RAB3C: variants seen among roughly 807,000 people sequenced by gnomAD.
RAB3C encodes the protein ras-related protein Rab-3C.
A neutral mutation model predicts 26.4 loss-of-function variants in RAB3C; 17 were observed. The ratio of observed to expected loss-of-function variants is 0.64; its 90% CI spans 0.44 to 0.97. The LOEUF is 0.97. Among genes scored for constraint, RAB3C ranks in the 50% least tolerant of loss-of-function variants. The pLI is 0.00. For synonymous variants in RAB3C, 91 were observed against 95.9 expected (o/e 0.95, Z 0.30); for missense variants, 242 against 281.9 (o/e 0.86, Z 1.01).
At chr5:58,738,779 T>A (rs769793582) in intron 3 of RAB3C, among the ~76,000 whole-genome samples, 1 of 152,226 alleles carries the variant, frequency 6.6e-6, no homozygotes, top group East Asian at 1.9e-4. Flanking sequence ...TCTGAAAATA[T>A]ACTCCCTCGC....
chr5:58,681,230 A>G (rs1171316596), intron 2 of RAB3C, among the ~76,000 whole-genome samples: 1 of 152,232 alleles, frequency 6.6e-6, no homozygotes, highest in Admixed American at 6.5e-5. Context: ...TAAAAAATTT[A>G]ATCGACAAAT....
intron 3 of RAB3C, among the ~76,000 whole-genome samples, chr5:58,809,064 A>G (rs1179660092): frequency 6.6e-6 from 1 of 152,252 alleles, no homozygotes; most frequent in Non-Finnish European, 1.5e-5. Context: ...CAGCAAGGGC[A>G]AAAGCCCAGC....
intron 4 of RAB3C, among the ~76,000 whole-genome samples, chr5:58,834,724 C>A (rs1743697496): frequency 6.6e-6 from 1 of 152,118 alleles, no homozygotes; most frequent in South Asian, 2.1e-4. Context: ...TAAGTATTCC[C>A]AGGAGGTATA....
chr5:58,779,436 G>A (rs990547198), intron 3 of RAB3C, among the ~76,000 whole-genome samples: 3 of 151,652 alleles, frequency 2.0e-5, no homozygotes, highest in Non-Finnish European at 2.9e-5. Context: ...CCAGGCAGGA[G>A]TGCAGTGGCA....
intron 3 of RAB3C, among the ~76,000 whole-genome samples, chr5:58,789,225 C>G (rs1369626336): frequency 6.6e-6 from 1 of 152,016 alleles, no homozygotes; most frequent in Non-Finnish European, 1.5e-5. Flanking sequence ...TACCAGCTGC[C>G]TCATTTAGAG....
chr5:58,618,942 G>A (rs532690172), intron 2 of RAB3C, among the ~76,000 whole-genome samples: 1 of 151,864 alleles, frequency 6.6e-6, no homozygotes, highest in South Asian at 2.1e-4. Flanking sequence ...TCATAAATAT[G>A]GAAAGCTAAA....
chr5:58,608,311 A>C (rs1450636506), intron 1 of RAB3C, among the ~76,000 whole-genome samples: 3 of 152,122 alleles, frequency 2.0e-5, no homozygotes, highest in African/African-American at 7.2e-5. Context: ...CAGAATCTAC[A>C]AAGAATCTAC....
intron 2 of RAB3C, among the ~76,000 whole-genome samples, chr5:58,660,803 A>G (rs745518414): frequency 8.7e-5 from 13 of 150,202 alleles, no homozygotes; most frequent in Non-Finnish European, 1.8e-4. Context: ...TATTTTAATC[A>G]TAAGGAAAAA....
intron 4 of RAB3C, among the ~76,000 whole-genome samples, chr5:58,847,724 A>C (rs993656031): frequency 4.6e-5 from 7 of 152,176 alleles, no homozygotes; most frequent in African/African-American, 1.7e-4. Flanking sequence ...CCTGTACCCC[A>C]AATCTAAACT....
intron 3 of RAB3C, among the ~76,000 whole-genome samples, chr5:58,752,126 C>T (rs926824000): frequency 1.3e-5 from 2 of 152,162 alleles, no homozygotes; most frequent in Non-Finnish European, 2.9e-5. Context: ...TAACTACATA[C>T]TGAAATCACT....
intron 3 of RAB3C, among the ~76,000 whole-genome samples, chr5:58,730,280 A>C (rs1432727920): frequency 6.6e-6 from 1 of 152,010 alleles, no homozygotes; most frequent in Non-Finnish European, 1.5e-5. Flanking sequence ...TAATTTCAAA[A>C]GTAAAAAAAA....
intron 2 of RAB3C, among the ~76,000 whole-genome samples, chr5:58,694,554 T>A (rs1013918387): frequency 6.6e-6 from 1 of 152,320 alleles, no homozygotes; most frequent in Non-Finnish European, 1.5e-5. Context: ...CCAGCAACAG[T>A]GCAAAAGTGT....
At chr5:58,649,500 C>A (rs1214516977) in intron 2 of RAB3C, among the ~76,000 whole-genome samples, 1 of 151,902 alleles carries the variant, frequency 6.6e-6, no homozygotes, top group Non-Finnish European at 1.5e-5. Flanking sequence ...TTCTCTCAAA[C>A]CCTCACTTAA....
In RAB3C at chr5:58,740,813, C is replaced by A. The variant is rs1011378114; in HGVS notation, c.371+14693C>A. Among the ~76,000 whole-genome samples, 5 of 152,092 alleles carry A rather than the reference C, an allele frequency of 3.3e-5. No individual in the cohort carries two copies. The East Asian group carries it at 7.7e-4, about 24-fold the overall frequency. ...CCAGCCTGGGCAACAGAGTGAGACT[C>A]CATCTCAGAAAAATATATATCTTAA... On this transcript the variant is annotated intron_variant, in intron 3 of 4. Coordinates refer to ENST00000282878, the MANE Select transcript of RAB3C (RefSeq NM_138453.4).
rs377383384 is a variant in RAB3C, at chr5:58,739,780, A to G, written c.371+13660A>G. 2.8e-4 allele frequency among the ~76,000 whole-genome samples: 42 copies of G among 152,352 alleles called. 1 individual carries two copies. The South Asian group carries it at 6.8e-3, about 25-fold the overall frequency. On this transcript the variant is annotated intron_variant, in intron 3 of 4. Transcript: ENST00000282878. The stretch of plus-strand genomic sequence containing the variant: ...ATATGTCACAGTTTCTGTGGCCTCA[A>G]TCTTATGGTCTCTACTTACAGAATA...
intron 3 of RAB3C, among the ~76,000 whole-genome samples, chr5:58,790,049 C>T (rs1742487830): frequency 6.6e-6 from 1 of 152,174 alleles, no homozygotes; most frequent in Non-Finnish European, 1.5e-5. Context: ...TAAGTATTTT[C>T]CCCTTAACGG....
chr5:58,838,240 C>T (rs938223508), intron 4 of RAB3C, among the ~76,000 whole-genome samples: 13 of 151,972 alleles, frequency 8.6e-5, no homozygotes, highest in South Asian at 2.1e-4. Flanking sequence ...ATTAGCCAGG[C>T]GTGGTGGCGG....
intron 2 of RAB3C, among the ~76,000 whole-genome samples, chr5:58,651,764 C>G (rs1308117341): frequency 6.6e-6 from 1 of 152,102 alleles, no homozygotes. Context: ...GAGTCGGTAT[C>G]CACTGAGGAC....
At chr5:58,801,244 G>A (rs982271859) in intron 3 of RAB3C, among the ~76,000 whole-genome samples, 1 of 152,178 alleles carries the variant, frequency 6.6e-6, no homozygotes, top group Non-Finnish European at 1.5e-5. Flanking sequence ...TCTCAAGCAG[G>A]GTTCCAAGGA....
Sources: gnomAD v4.1 joint callset for allele counts (sites outside exome capture counted in the v4.1 genomes callset) on GRCh38, gnomAD v4.1.1 for gene constraint, MANE v1.5 for transcripts, NCBI Gene and HGNC (gene_info 2026-07-23, HGNC 2026-07-21) for gene names.